The following ABCG2 variants were observed in gnomAD, a reference collection of about 807,000 sequenced individuals.
ABCG2 encodes broad substrate specificity ATP-binding cassette transporter ABCG2.
ABCG2 carries 80 observed loss-of-function variants against 73.5 expected under a neutral mutation model. The ratio of observed to expected loss-of-function variants is 1.09; its 90% CI spans 0.91 to 1.31. The LOEUF (loss-of-function observed/expected upper bound fraction) is 1.31. ABCG2 is among the 50% of genes most tolerant of loss of function. ABCG2 has a pLI of 0.00. For synonymous variants in ABCG2, 269 were observed against 282.4 expected (o/e 0.95, Z 0.48); for missense variants, 796 against 786.2 (o/e 1.01, Z -0.15).
At chr4:88,137,114 C>T (rs183867486) in intron 2 of ABCG2, among the ~76,000 whole-genome samples, 3 of 151,952 alleles carry the variant, frequency 2.0e-5, no homozygotes, top group African/African-American at 7.2e-5. Flanking sequence ...GAAGAACCCA[C>T]CTTGAAAGAT....
At chr4:88,178,083 C>A (rs536276825) in intron 1 of ABCG2, among the ~76,000 whole-genome samples, 2 of 152,290 alleles carry the variant, frequency 1.3e-5, no homozygotes, top group East Asian at 3.9e-4. Flanking sequence ...TAGTGAGACA[C>A]CAGCTGGGGC....
intron 13 of ABCG2, among the ~76,000 whole-genome samples, chr4:88,096,974 T>C (rs1722022945): frequency 6.6e-6 from 1 of 152,060 alleles, no homozygotes; most frequent in African/African-American, 2.4e-5. Context: ...AACCAAACTA[T>C]CTCTGCTGGT....
intron 1 of ABCG2, among the ~76,000 whole-genome samples, chr4:88,186,845 G>T (rs888987132): frequency 1.4e-5 from 2 of 144,524 alleles, no homozygotes; most frequent in African/African-American, 5.2e-5. Flanking sequence ...CGTGAACCCG[G>T]GAGGCAGAGC....
intron 1 of ABCG2, among the ~76,000 whole-genome samples, chr4:88,166,849 A>G (rs1482370818): frequency 1.3e-5 from 2 of 152,182 alleles, no homozygotes; most frequent in African/African-American, 4.8e-5. Context: ...GAGGGGTCAC[A>G]TGCAGATGGC....
intron 1 of ABCG2, among the ~76,000 whole-genome samples, chr4:88,226,989 G>A (rs1195959108): frequency 6.6e-6 from 1 of 152,120 alleles, no homozygotes; most frequent in Non-Finnish European, 1.5e-5. Context: ...GTGCGTGCCT[G>A]TGGTCCCAGC....
In ABCG2 at chr4:88,140,144, G is replaced by A. The variant is rs147505061; in HGVS notation, c.-19-130C>T. ...TGAGCAGCTTCATTTCCAATGAATG[G>A]CCCATACCATTGTGATAAGAACATC... On this transcript the variant is annotated intron_variant, in intron 1 of 15. Coordinates refer to ENST00000237612, the MANE Select transcript of ABCG2 (RefSeq NM_004827.3). 102 of 745,852 alleles carry A rather than the reference G, an allele frequency of 1.4e-4. No homozygotes were observed. The East Asian group carries it at 2.7e-3, about 19-fold the overall frequency. 46.2% of individuals were successfully genotyped at this position (745,852 alleles called of 1,614,324 possible).
chr4:88,208,952 A>C (rs1729480942), intron 1 of ABCG2, among the ~76,000 whole-genome samples: 1 of 152,148 alleles, frequency 6.6e-6, no homozygotes, highest in African/African-American at 2.4e-5. Context: ...CAGTGAGGCG[A>C]GATCACACCA....
chr4:88,114,854 A>C, intron 8 of ABCG2, 103 bp downstream of exon 8: 1 of 679,164 alleles, frequency 1.5e-6, no homozygotes, highest in Non-Finnish European at 2.5e-6. Flanking sequence ...AGAAGACTGC[A>C]TCAACAGAAA....
intron 1 of ABCG2, among the ~76,000 whole-genome samples, chr4:88,211,607 C>CGG (rs1355975716): frequency 6.6e-6 from 1 of 151,990 alleles, no homozygotes; most frequent in Non-Finnish European, 1.5e-5. Context: ...TAAGTAGAGA[C>CGG]GGGGTTTCAC....
At chr4:88,147,070 G>GGAAAA (rs201360784) in intron 1 of ABCG2, among the ~76,000 whole-genome samples, 457 of 116,852 alleles carry the variant, frequency 3.9e-3, no homozygotes, top group African/African-American at 0.012. Context: ...GGAAAGGAAA[G>GGAAAA]GAAAAGAAAA....
At chr4:88,164,859 C>G (rs1727452473) in intron 1 of ABCG2, among the ~76,000 whole-genome samples, 2 of 152,174 alleles carry the variant, frequency 1.3e-5, no homozygotes, top group Non-Finnish European at 2.9e-5. Flanking sequence ...CTCGCCACAA[C>G]CTCCACCTCC....
intron 1 of ABCG2, 92 bp from the exon 2 acceptor site, chr4:88,140,106 A>G: frequency 9.2e-7 from 1 of 1,084,142 alleles, no homozygotes; most frequent in Non-Finnish European, 1.3e-6. Context: ...GTCCATTTTT[A>G]AATGTGCGGC....
At chr4:88,124,970 T>C (rs535559198) in intron 5 of ABCG2, among the ~76,000 whole-genome samples, 31 of 152,240 alleles carry the variant, frequency 2.0e-4, no homozygotes, top group African/African-American at 6.7e-4. Context: ...TCAGACCACA[T>C]TGCAATCAAA....
At chr4:88,175,938 T>C (rs57454797) in intron 1 of ABCG2, among the ~76,000 whole-genome samples, 36,767 of 152,018 alleles carry the variant, frequency 0.24, 5,922 homozygotes, top group African/African-American at 0.46. Flanking sequence ...GGATAATGGT[T>C]GTGGGGATAC....
At chr4:88,176,148 A>G (rs1727958099) in intron 1 of ABCG2, among the ~76,000 whole-genome samples, 1 of 143,858 alleles carries the variant, frequency 7.0e-6, no homozygotes, top group African/African-American at 2.5e-5. Flanking sequence ...AATTATTATG[A>G]TTATTCTTGT....
At chr4:88,224,806 C>T (rs764158836) in intron 1 of ABCG2, among the ~76,000 whole-genome samples, 4 of 152,170 alleles carry the variant, frequency 2.6e-5, no homozygotes, top group Admixed American at 6.5e-5. Context: ...CGTTCCCCTA[C>T]GTTATCTTCT....
In ABCG2 at chr4:88,176,647, ATTTTTTTTTTTT is replaced by A. The variant is rs35728226; in HGVS notation, c.-19-36645_-19-36634del. ...AGGCACATGCCAGCACACCTGGCTA[ATTTTTTTTTTTT>A]TTTTTTTTTTTTTTTGTAAATACAG... is the stretch of plus-strand genomic sequence containing the variant. On this transcript the variant is annotated intron_variant, in intron 1 of 15. Coordinates refer to the ABCG2 transcript ENST00000515655. Among the ~76,000 whole-genome samples, 197 of 90,174 alleles carry A rather than the reference ATTTTTTTTTTTT, an allele frequency of 2.2e-3. 1 individual carries two copies. The highest frequency in any genetic ancestry group is 3.4e-3 in the Non-Finnish European group (157 of 46,490). The allele number at this position is 90,174 out of a possible 152,430, so 59.2% of individuals were successfully genotyped here.
intron 1 of ABCG2, among the ~76,000 whole-genome samples, chr4:88,227,734 A>G (rs949286131): frequency 5.3e-5 from 8 of 152,232 alleles, no homozygotes; most frequent in Non-Finnish European, 4.4e-5. Context: ...TAATGGAGAC[A>G]AAGCTTAAGA....
At chr4:88,184,954 T>C (rs1728391960) in intron 1 of ABCG2, among the ~76,000 whole-genome samples, 1 of 152,180 alleles carries the variant, frequency 6.6e-6, no homozygotes, top group African/African-American at 2.4e-5. Flanking sequence ...GAAAAGAATA[T>C]CTCTTCAATA....
Sources: allele counts gnomAD v4.1 joint callset (sites outside exome capture counted in the v4.1 genomes callset), GRCh38; gene constraint gnomAD v4.1.1; transcripts MANE v1.5; gene names NCBI Gene and HGNC (gene_info 2026-07-23, HGNC 2026-07-21).